The following NUP133 variants were observed in gnomAD, a reference collection of about 807,000 sequenced individuals.
NUP133 encodes nucleoporin 133.
A neutral mutation model predicts 146.2 loss-of-function variants in NUP133; 66 were observed. The observed-to-expected ratio is 0.45, with a 90% CI of 0.37 to 0.55. The LOEUF (loss-of-function observed/expected upper bound fraction) is 0.55. NUP133 is among the 20% of genes least tolerant of loss of function. The pLI is 0.00. For synonymous variants in NUP133, 521 were observed against 498.8 expected (o/e 1.04, Z -0.59); for missense variants, 1,277 against 1,374.8 (o/e 0.93, Z 1.12).
chr1:229,465,858 C>A (rs1033363034), intron 16 of NUP133, among the ~76,000 whole-genome samples: 1 of 148,738 alleles, frequency 6.7e-6, no homozygotes, highest in African/African-American at 2.5e-5. Flanking sequence ...CCACTATAAA[C>A]CCAGCCTGGG....
At position 229,508,288 on chromosome 1, in the gene NUP133, G is replaced by C. The variant is rs1165158701; in HGVS notation, c.-39C>G. ...AGCGACTAGGACAGCGAGGGATCTG[G>C]CCGTCAGGTTGCAGCCTGGCCTGCG... On this transcript the variant is annotated 5_prime_UTR_variant, in exon 1 of 26. Transcript: ENST00000261396. The C allele has an allele frequency of 2.2e-6, 3 of 1,387,618 alleles. No homozygotes were observed. The highest frequency in any genetic ancestry group is 1.5e-5 in the African/African-American group (1 of 66,136). 86.0% of individuals were successfully genotyped at this position (1,387,618 alleles called of 1,614,324 possible).
chr1:229,503,988 T>A (rs1275288331), intron 2 of NUP133, among the ~76,000 whole-genome samples: 2 of 152,124 alleles, frequency 1.3e-5, no homozygotes, highest in South Asian at 4.1e-4. Context: ...AATATATATA[T>A]ATACATTTAT....
Position 229,441,948 on chromosome 1 carries a change from CA to C in NUP133, c.3426del (p.Phe1142LeufsTer3). The C allele has an allele frequency of 6.3e-7, 1 of 1,580,452 alleles. No homozygotes were observed. ...TAATATTCATAATTTGCTTTCAAAA[CA>C]AACTCGAAGTAAGGATTGGACTTTA... ...GSLKSNPYFE[F>X]VLKANYEYYV... On this transcript the variant is annotated frameshift_variant, in exon 26 of 26. Transcript: ENST00000261396. LOFTEE classifies it high-confidence loss of function.
intron 23 of NUP133, 46 bp from the exon 24 acceptor site, chr1:229,449,236 A>T (rs765587764): frequency 3.2e-6 from 4 of 1,259,552 alleles, no homozygotes; most frequent in Non-Finnish European, 3.4e-6. Context: ...CTGGCTCTGA[A>T]AGAAATACAT....
intron 21 of NUP133, among the ~76,000 whole-genome samples, chr1:229,456,179 A>ATTGTGT (rs1414231381): frequency 1.3e-5 from 2 of 152,204 alleles, no homozygotes; most frequent in African/African-American, 2.4e-5. Context: ...AGTGGTACAC[A>ATTGTGT]ATGTGGTTTG....
intron 8 of NUP133, among the ~76,000 whole-genome samples, chr1:229,492,160 G>A (rs765708181): frequency 6.7e-6 from 1 of 149,258 alleles, no homozygotes; most frequent in Non-Finnish European, 1.5e-5. Context: ...AGGCTGCAGT[G>A]CCGGGGCGTG....
intron 23 of NUP133, among the ~76,000 whole-genome samples, chr1:229,449,873 ATTTT>A (rs71281043): frequency 1.3e-4 from 11 of 85,794 alleles, no homozygotes; most frequent in African/African-American, 4.6e-4. Context: ...ATATATATAT[ATTTT>A]TTTTTTTTTT....
chr1:229,447,563 A>C (rs1420035769), intron 24 of NUP133, among the ~76,000 whole-genome samples: 1 of 151,800 alleles, frequency 6.6e-6, no homozygotes, highest in Non-Finnish European at 1.5e-5. Context: ...GCATAATTAG[A>C]GTTGGGACTT....
chr1:229,507,533 C>T (rs563905083), intron 1 of NUP133, among the ~76,000 whole-genome samples: 4 of 152,222 alleles, frequency 2.6e-5, no homozygotes, highest in African/African-American at 9.6e-5. Context: ...TATGTAAAGC[C>T]TTTTCCTTAT....
intron 8 of NUP133, among the ~76,000 whole-genome samples, chr1:229,491,721 T>C (rs866484354): frequency 1.3e-5 from 2 of 152,198 alleles, no homozygotes; most frequent in Middle Eastern, 3.4e-3. Flanking sequence ...GAGATTGCAG[T>C]GAGCCAAGCT....
intron 12 of NUP133, among the ~76,000 whole-genome samples, chr1:229,481,411 A>G (rs968503671): frequency 6.6e-6 from 1 of 152,146 alleles, no homozygotes; most frequent in Non-Finnish European, 1.5e-5. Flanking sequence ...TGATGTCCTT[A>G]TAAGAAGGCC....
At chr1:229,459,429 C>T (rs1286662650) in intron 20 of NUP133, among the ~76,000 whole-genome samples, 1 of 152,122 alleles carries the variant, frequency 6.6e-6, no homozygotes. Context: ...CTTCTCCGGC[C>T]CATCTCCCCT....
Position 229,452,537 on chromosome 1 carries a change from T to C in NUP133, c.3087A>G (p.Pro1029=), listed in dbSNP as rs1335249196. The change falls in exon 22 of 26, where the codon CCA becomes CCG. Residue 1029 remains proline, a synonymous_variant. Transcript: ENST00000261396. Reference sequence around the variant, plus strand: ...GAAAAGCACATACACCAATGAGTTGTGGTGCAGTCAATACTGGCATCGCAC... The same window carrying C: ...GAAAAGCACATACACCAATGAGTTGCGGTGCAGTCAATACTGGCATCGCAC... The part of the protein sequence containing the change: ...NLSAMPVLTA[P]QLIGLYICEE... The C allele has an allele frequency of 1.9e-6, 3 of 1,612,662 alleles. No homozygotes were observed. Among genetic ancestry groups the C allele is most frequent in the South Asian group, 1.1e-5 (1 of 90,966 alleles).
At chr1:229,455,038 TA>T (rs1660530342) in intron 21 of NUP133, among the ~76,000 whole-genome samples, 1 of 152,162 alleles carries the variant, frequency 6.6e-6, no homozygotes, top group Non-Finnish European at 1.5e-5. Flanking sequence ...CGAAGGAGCA[TA>T]AATTAACTAT....
intron 8 of NUP133, 103 bp downstream of exon 8, chr1:229,495,392 A>T (rs1661631224): frequency 1.3e-6 from 1 of 788,372 alleles, no homozygotes. Context: ...CCCTGTCTCC[A>T]AAGAAAGAGC....
intron 12 of NUP133, among the ~76,000 whole-genome samples, chr1:229,479,979 C>G (rs948117885): frequency 6.6e-6 from 1 of 152,062 alleles, no homozygotes; most frequent in Non-Finnish European, 1.5e-5. Context: ...TGAGAAGGAG[C>G]CAGCACGAGA....
chr1:229,483,436 C>A (rs902130569), intron 12 of NUP133, among the ~76,000 whole-genome samples: 8 of 151,896 alleles, frequency 5.3e-5, no homozygotes, highest in African/African-American at 1.7e-4. Context: ...ACTTTGCATG[C>A]GGCTGGAAGT....
intron 17 of NUP133, 86 bp downstream of exon 17, chr1:229,465,334 C>A: frequency 9.5e-7 from 1 of 1,050,250 alleles, no homozygotes; most frequent in Non-Finnish European, 1.4e-6. Context: ...ACTTACAAAC[C>A]TACGCTAGGG....
chr1:229,476,459 C>A (rs1661076901), intron 13 of NUP133, among the ~76,000 whole-genome samples: 1 of 152,088 alleles, frequency 6.6e-6, no homozygotes, highest in Non-Finnish European at 1.5e-5. Context: ...CCAGAGTTCC[C>A]CTCGAGTTTC....
Sources: allele counts gnomAD v4.1 joint callset (sites outside exome capture counted in the v4.1 genomes callset), GRCh38; gene constraint gnomAD v4.1.1; transcripts MANE v1.5; gene names NCBI Gene and HGNC (gene_info 2026-07-23, HGNC 2026-07-21).